The following CCSER1 variants were observed in gnomAD, a reference collection of about 807,000 sequenced individuals.
CCSER1 encodes serine-rich coiled-coil domain-containing protein 1.
CCSER1 carries 41 observed loss-of-function variants against 82.0 expected under a neutral mutation model. The observed-to-expected ratio is 0.50, with a 90% CI of 0.39 to 0.65. The LOEUF (loss-of-function observed/expected upper bound fraction) is 0.65. Among genes scored for constraint, CCSER1 ranks in the 30% least tolerant of loss-of-function variants. CCSER1 has a pLI of 0.00. For missense variants in CCSER1, 1,119 were observed against 1,064.2 expected, an observed-to-expected ratio of 1.05 and a Z score of -0.72; for synonymous variants, 414 against 383.9, an observed-to-expected ratio of 1.08 and a Z score of -0.92.
chr4:91,553,110 G>A (rs1010118476), intron 10 of CCSER1, among the ~76,000 whole-genome samples: 3 of 151,552 alleles, frequency 2.0e-5, no homozygotes, highest in Admixed American at 1.3e-4. Context: ...ATCATGAAAG[G>A]ATGTTGAATT....
At chr4:91,501,424 A>T (rs559701059) in intron 10 of CCSER1, among the ~76,000 whole-genome samples, 95 of 152,016 alleles carry the variant, frequency 6.2e-4, no homozygotes, top group Admixed American at 1.6e-3. Flanking sequence ...CCATCTTATT[A>T]TCTATTTATT....
At chr4:90,773,104 G>A (rs745409305) in intron 7 of CCSER1, among the ~76,000 whole-genome samples, 1 of 152,112 alleles carries the variant, frequency 6.6e-6, no homozygotes, top group Non-Finnish European at 1.5e-5. Flanking sequence ...GCCAGGCATG[G>A]TGGTGCATGC....
chr4:90,352,572 G>A (rs921485311), intron 3 of CCSER1, among the ~76,000 whole-genome samples: 1 of 151,684 alleles, frequency 6.6e-6, no homozygotes, highest in Non-Finnish European at 1.5e-5. Context: ...TGAGGCAGGA[G>A]AATCACTTGA....
At chr4:90,289,851 A>C (rs1401067095) in intron 1 of CCSER1, among the ~76,000 whole-genome samples, 1 of 151,804 alleles carries the variant, frequency 6.6e-6, no homozygotes, top group East Asian at 1.9e-4. Flanking sequence ...ATAATAGTTA[A>C]ATTTCTTATG....
chr4:90,947,901 C>A (rs983686960), intron 9 of CCSER1, among the ~76,000 whole-genome samples: 2 of 152,028 alleles, frequency 1.3e-5, no homozygotes, highest in Non-Finnish European at 2.9e-5. Flanking sequence ...GTAATTTTTT[C>A]TCTGTGCTAA....
intron 1 of CCSER1, among the ~76,000 whole-genome samples, chr4:90,137,537 A>G (rs541464786): frequency 2.9e-4 from 44 of 152,218 alleles, no homozygotes; most frequent in Non-Finnish European, 6.0e-4. Context: ...GAGGAGAGTC[A>G]GGTTCATTGG....
chr4:90,275,734 A>T (rs1324788556), intron 1 of CCSER1, among the ~76,000 whole-genome samples: 2 of 152,164 alleles, frequency 1.3e-5, no homozygotes, highest in Non-Finnish European at 2.9e-5. Context: ...ATATCTGGGG[A>T]ATATGCTTGG....
chr4:91,253,620 C>G (rs997814891), intron 10 of CCSER1, among the ~76,000 whole-genome samples: 1 of 152,118 alleles, frequency 6.6e-6, no homozygotes, highest in Non-Finnish European at 1.5e-5. Context: ...ACAAAATAGA[C>G]TTAACAATAA....
rs746404656 is a variant in CCSER1, at chr4:90,309,088, G to A, written c.804G>A (p.Val268=). The A allele has an allele frequency of 2.6e-5, 42 of 1,613,754 alleles. No homozygotes were observed. The highest frequency in any genetic ancestry group is 3.5e-5 in the Non-Finnish European group (41 of 1,179,852). The change falls in exon 2 of 11, where the codon GTG becomes GTA. Residue 268 remains valine, a synonymous_variant. Transcript: ENST00000509176. ...TTTTAGCCTTGACTGAAGATTCTGT[G>A]TCTGAAATGGATGCATTTTCTAAAA... ...SEFLALTEDS[V]SEMDAFSKSG...
At chr4:91,360,335 T>C (rs1206376719) in intron 10 of CCSER1, among the ~76,000 whole-genome samples, 1 of 151,798 alleles carries the variant, frequency 6.6e-6, no homozygotes, top group Non-Finnish European at 1.5e-5. Context: ...TTAAACTGTG[T>C]AGACATTAAG....
At chr4:90,398,645 T>A (rs906735498) in intron 3 of CCSER1, among the ~76,000 whole-genome samples, 1 of 152,218 alleles carries the variant, frequency 6.6e-6, no homozygotes, top group African/African-American at 2.4e-5. Context: ...TTCTCATTTT[T>A]AAATGTATAT....
At chr4:90,893,041 A>G (rs1020638) in intron 8 of CCSER1, among the ~76,000 whole-genome samples, 4,780 of 152,100 alleles carry the variant, frequency 0.031, 106 homozygotes, top group African/African-American at 0.062. Flanking sequence ...TCAGGCACCT[A>G]CTTCGTTTGG....
intron 5 of CCSER1, among the ~76,000 whole-genome samples, chr4:90,581,931 T>A (rs1294767673): frequency 6.6e-6 from 1 of 152,046 alleles, no homozygotes; most frequent in Admixed American, 6.6e-5. Context: ...CATGTGTAGA[T>A]TACTTTGATA....
At chr4:90,236,271 T>C (rs952171636) in intron 1 of CCSER1, among the ~76,000 whole-genome samples, 1 of 152,152 alleles carries the variant, frequency 6.6e-6, no homozygotes, top group African/African-American at 2.4e-5. Context: ...TCTTATGTTG[T>C]TGAATTCTTT....
intron 5 of CCSER1, among the ~76,000 whole-genome samples, chr4:90,531,151 T>G (rs1020169441): frequency 3.3e-5 from 5 of 152,008 alleles, no homozygotes; most frequent in Non-Finnish European, 7.4e-5. Context: ...TTTTTCTGGT[T>G]TGGCCTTTTG....
chr4:90,443,587 A>G (rs777247563), intron 4 of CCSER1, among the ~76,000 whole-genome samples: 15 of 152,156 alleles, frequency 9.9e-5, no homozygotes, highest in Non-Finnish European at 2.1e-4. Context: ...AAGCAAAGCC[A>G]TGGATAAGGG....
intron 10 of CCSER1, among the ~76,000 whole-genome samples, chr4:91,554,697 T>A (rs908209993): frequency 1.3e-5 from 2 of 150,982 alleles, no homozygotes; most frequent in African/African-American, 4.9e-5. Flanking sequence ...TGCAAAAAAA[T>A]CCTAAATTTA....
chr4:91,001,830 T>C (rs927199927), intron 9 of CCSER1, among the ~76,000 whole-genome samples: 5 of 152,190 alleles, frequency 3.3e-5, no homozygotes, highest in East Asian at 1.9e-4. Context: ...TTTTCTTTAA[T>C]TGTATTTTTG....
At chr4:91,030,641 A>T (rs1044752808) in intron 9 of CCSER1, among the ~76,000 whole-genome samples, 4 of 152,068 alleles carry the variant, frequency 2.6e-5, no homozygotes, top group Non-Finnish European at 4.4e-5. Context: ...AACTAAGAAG[A>T]ATTTGCAGAG....
Sources: allele counts gnomAD v4.1 joint callset (sites outside exome capture counted in the v4.1 genomes callset), GRCh38; gene constraint gnomAD v4.1.1; transcripts MANE v1.5; gene names NCBI Gene and HGNC (gene_info 2026-07-23, HGNC 2026-07-21).